The following AUTS2 variants were observed in gnomAD, a reference collection of about 807,000 sequenced individuals.
The protein encoded by AUTS2 is autism susceptibility gene 2 protein.
AUTS2 carries 17 observed loss-of-function variants against 112.4 expected under a neutral mutation model. The observed-to-expected ratio is 0.15, with a 90% CI of 0.10 to 0.23. The LOEUF is 0.23. Among genes scored for constraint, AUTS2 ranks in the 10% least tolerant of loss-of-function variants. The pLI is 1.00. For missense variants in AUTS2, 1,510 were observed against 1,701.6 expected, an observed-to-expected ratio of 0.89 and a Z score of 1.98; for synonymous variants, 751 against 702.7, an observed-to-expected ratio of 1.07 and a Z score of -1.09.
At chr7:70,635,843 T>C (rs1383459086) in intron 5 of AUTS2, among the ~76,000 whole-genome samples, 5 of 152,152 alleles carry the variant, frequency 3.3e-5, no homozygotes, top group African/African-American at 1.2e-4. Flanking sequence ...TGACACACAA[T>C]TGATGATGTG....
At chr7:70,510,480 A>G (rs1316975349) in intron 5 of AUTS2, among the ~76,000 whole-genome samples, 1 of 152,222 alleles carries the variant, frequency 6.6e-6, no homozygotes, top group African/African-American at 2.4e-5. Context: ...AGAGTGGCCC[A>G]GGTACCCAAG....
At chr7:70,102,877 G>A (rs1391926035) in intron 2 of AUTS2, among the ~76,000 whole-genome samples, 1 of 152,014 alleles carries the variant, frequency 6.6e-6, no homozygotes, top group Non-Finnish European at 1.5e-5. Context: ...ATTATTTGAA[G>A]TGTTTGAAGA....
intron 2 of AUTS2, among the ~76,000 whole-genome samples, chr7:70,062,235 G>A (rs531815251): frequency 1.1e-4 from 16 of 151,800 alleles, no homozygotes; most frequent in African/African-American, 3.1e-4. Flanking sequence ...ATTTGGCAGG[G>A]CACAGTGGCT....
At chr7:70,775,311 GT>G in intron 12 of AUTS2, 45 bp from the exon 13 acceptor site, 1 of 1,569,380 alleles carries the variant, frequency 6.4e-7, no homozygotes, top group African/African-American at 1.4e-5. Flanking sequence ...TAGAGCAATT[GT>G]TTGAGTGACA....
chr7:70,421,536 A>G (rs1477514318), intron 4 of AUTS2, among the ~76,000 whole-genome samples: 1 of 152,120 alleles, frequency 6.6e-6, no homozygotes, highest in Non-Finnish European at 1.5e-5. Context: ...AGGCCAGGAG[A>G]CAAAGCAAAT....
intron 1 of AUTS2, among the ~76,000 whole-genome samples, chr7:69,655,341 CAT>C (rs981013284): frequency 2.6e-5 from 4 of 152,086 alleles, no homozygotes; most frequent in African/African-American, 9.7e-5. Flanking sequence ...TGGGGCCTGT[CAT>C]ATTTTTTAAA....
chr7:69,723,204 T>C (rs1799058826), intron 1 of AUTS2, among the ~76,000 whole-genome samples: 1 of 152,004 alleles, frequency 6.6e-6, no homozygotes. Flanking sequence ...TCATTTGGAG[T>C]AGCAGAATCG....
intron 1 of AUTS2, among the ~76,000 whole-genome samples, chr7:69,629,557 C>T (rs1794129322): frequency 6.6e-6 from 1 of 152,174 alleles, no homozygotes; most frequent in Non-Finnish European, 1.5e-5. Context: ...AGATGAGCCC[C>T]AACTTCTCAT....
Position 70,781,522 on chromosome 7 carries a change from G to A in AUTS2, c.2005-93G>A, listed in dbSNP as rs1365637951. 5 of 1,458,626 alleles carry A rather than the reference G, an allele frequency of 3.4e-6. No homozygotes were observed. In the East Asian group the frequency reaches 7.0e-5, roughly 20 times the overall value. 90.4% of individuals were successfully genotyped at this position (1,458,626 alleles called of 1,614,324 possible). The stretch of plus-strand genomic sequence containing the variant: ...AGTGTTTGTAAACTTGAACCCAAGT[G>A]CACCGTTCACAGTCTCCAGCTCCAG... On this transcript the variant is annotated intron_variant, in intron 14 of 18. Coordinates refer to ENST00000342771, the MANE Select transcript of AUTS2 (RefSeq NM_015570.4).
intron 1 of AUTS2, among the ~76,000 whole-genome samples, chr7:69,765,609 G>A (rs148037391): frequency 9.2e-5 from 14 of 152,232 alleles, no homozygotes; most frequent in East Asian, 5.8e-4. Flanking sequence ...GAGCCACTGC[G>A]TTCAGTCTAA....
At chr7:70,788,348 C>T (rs1173206544) in intron 18 of AUTS2, among the ~76,000 whole-genome samples, 1 of 152,148 alleles carries the variant, frequency 6.6e-6, no homozygotes, top group African/African-American at 2.4e-5. Flanking sequence ...TTCAACTTTG[C>T]AGGCTCTAAA....
intron 1 of AUTS2, 80 bp downstream of exon 1, chr7:69,600,042 C>T: frequency 6.9e-7 from 1 of 1,445,430 alleles, no homozygotes; most frequent in South Asian, 1.2e-5. Flanking sequence ...GCCTCCCTCG[C>T]CGCGCTCCGG....
intron 2 of AUTS2, among the ~76,000 whole-genome samples, chr7:70,015,803 C>CTTT (rs59809437): frequency 1.4e-5 from 2 of 138,984 alleles, no homozygotes; most frequent in African/African-American, 2.6e-5. Flanking sequence ...TAAATATTCA[C>CTTT]TTTTTTTTTT....
intron 2 of AUTS2, among the ~76,000 whole-genome samples, chr7:70,093,643 C>G (rs1276652813): frequency 6.6e-6 from 1 of 152,200 alleles, no homozygotes; most frequent in Non-Finnish European, 1.5e-5. Flanking sequence ...TGAGCTGTGT[C>G]TAATGCATTT....
intron 5 of AUTS2, among the ~76,000 whole-genome samples, chr7:70,495,285 T>G (rs1798410673): frequency 6.7e-6 from 1 of 149,094 alleles, no homozygotes; most frequent in African/African-American, 2.5e-5. Flanking sequence ...CCACCCCCCT[T>G]CTACTTAAAC....
intron 5 of AUTS2, among the ~76,000 whole-genome samples, chr7:70,613,784 C>T (rs1206761964): frequency 6.6e-6 from 1 of 152,178 alleles, no homozygotes; most frequent in Non-Finnish European, 1.5e-5. Flanking sequence ...AGAACATGAT[C>T]CCTGGCTCCT....
chr7:70,539,773 C>T (rs1800470747), intron 5 of AUTS2, among the ~76,000 whole-genome samples: 1 of 152,168 alleles, frequency 6.6e-6, no homozygotes, highest in African/African-American at 2.4e-5. Flanking sequence ...TTTTAAAATC[C>T]TGCCAGTGCT....
chr7:69,760,197 C>CT (rs375758180), intron 1 of AUTS2, among the ~76,000 whole-genome samples: 5,741 of 121,036 alleles, frequency 0.047, 171 homozygotes, highest in African/African-American at 0.081. Flanking sequence ...TTCTTTTTTT[C>CT]TTTTTTTTTT....
intron 6 of AUTS2, among the ~76,000 whole-genome samples, chr7:70,701,456 G>C (rs930227789): frequency 2.0e-5 from 3 of 152,188 alleles, no homozygotes; most frequent in Non-Finnish European, 4.4e-5. Context: ...AATTGGGAAG[G>C]GGCAGGGGTT....
Sources: allele counts gnomAD v4.1 joint callset (sites outside exome capture counted in the v4.1 genomes callset), GRCh38; gene constraint gnomAD v4.1.1; transcripts MANE v1.5; gene names NCBI Gene and HGNC (gene_info 2026-07-23, HGNC 2026-07-21).